Variants in POLDIP3 observed in about 807,000 individuals in gnomAD.
POLDIP3 encodes polymerase delta-interacting protein 3.
POLDIP3 carries 14 observed loss-of-function variants against 45.1 expected under a neutral mutation model. The observed-to-expected ratio is 0.31, with a 90% CI of 0.20 to 0.49. The LOEUF is 0.49. Among genes scored for constraint, POLDIP3 ranks in the 20% least tolerant of loss-of-function variants. The pLI is 0.99. For synonymous variants in POLDIP3, 223 were observed against 205.2 expected (o/e 1.09, Z -0.74); for missense variants, 511 against 538.8 (o/e 0.95, Z 0.51).
chr22:42,614,060 G>A (rs1265682421), intron 1 of POLDIP3, among the ~76,000 whole-genome samples: 2 of 152,126 alleles, frequency 1.3e-5, no homozygotes, highest in Non-Finnish European at 2.9e-5. Flanking sequence ...CCAATCTCCT[G>A]CCCAACACAC....
chr22:42,612,621 T>C (rs1927195030), intron 1 of POLDIP3, among the ~76,000 whole-genome samples: 1 of 151,772 alleles, frequency 6.6e-6, no homozygotes, highest in Middle Eastern at 3.2e-3. Flanking sequence ...AGGTGAGGAG[T>C]TCGAGACCAG....
intron 6 of POLDIP3, among the ~76,000 whole-genome samples, chr22:42,593,500 A>T (rs979629450): frequency 1.7e-4 from 26 of 152,168 alleles, no homozygotes; most frequent in African/African-American, 6.0e-4. Context: ...GGCAGTTGTT[A>T]TTACGCTCCT....
intron 3 of POLDIP3, among the ~76,000 whole-genome samples, chr22:42,600,118 G>A (rs1926257396): frequency 6.6e-6 from 1 of 152,160 alleles, no homozygotes; most frequent in Non-Finnish European, 1.5e-5. Context: ...ATGACCTACA[G>A]AAATAAATCC....
intron 1 of POLDIP3, among the ~76,000 whole-genome samples, chr22:42,614,476 G>A (rs1927338993): frequency 6.6e-6 from 1 of 152,208 alleles, no homozygotes. Context: ...AGTCCACACA[G>A]GCAAGGAGGC....
At position 42,596,129 on chromosome 22, in the gene POLDIP3, C is replaced by T. The variant is rs1362582818; in HGVS notation, c.813+57G>A. 3 of 1,555,384 alleles carry T rather than the reference C, an allele frequency of 1.9e-6. No individual in the cohort carries two copies. In the African/African-American group the frequency reaches 4.1e-5, roughly 21 times the overall value. Reference sequence around the variant, plus strand: ...GCGTTGTGGGGAACACAATGAGGTACATATAAGCATACAGCCCTCCTGACC... The same window carrying T: ...GCGTTGTGGGGAACACAATGAGGTATATATAAGCATACAGCCCTCCTGACC... On this transcript the variant is annotated intron_variant, in intron 5 of 8. Coordinates refer to ENST00000252115, the MANE Select transcript of POLDIP3 (RefSeq NM_032311.5).
At chr22:42,609,020 A>G (rs1160993694) in intron 1 of POLDIP3, among the ~76,000 whole-genome samples, 2 of 152,200 alleles carry the variant, frequency 1.3e-5, no homozygotes, top group African/African-American at 4.8e-5. Flanking sequence ...TCAGGCAGGC[A>G]TTAGTCATCG....
chr22:42,602,632 C>G, intron 2 of POLDIP3, 138 bp downstream of exon 2: 1 of 969,082 alleles, frequency 1.0e-6, no homozygotes, highest in Middle Eastern at 3.4e-4. Flanking sequence ...GTACTTAAAG[C>G]CTCTGTAAGG....
chr22:42,587,870 G>A (rs1440896823), intron 7 of POLDIP3, among the ~76,000 whole-genome samples: 1 of 152,228 alleles, frequency 6.6e-6, no homozygotes, highest in Non-Finnish European at 1.5e-5. Flanking sequence ...AGCCATCCAA[G>A]TAGTAAGGGA....
At position 42,585,326 on chromosome 22, in the gene POLDIP3, G is replaced by A. The variant is rs371258973; in HGVS notation, c.*465C>T. 20 of 491,632 alleles carry A rather than the reference G, an allele frequency of 4.1e-5. No homozygotes were observed. The highest frequency in any genetic ancestry group is 1.4e-4 in the African/African-American group (7 of 51,338). 30.5% of individuals were successfully genotyped at this position (491,632 alleles called of 1,614,324 possible). A position where few individuals can be genotyped will look rare whatever the true frequency, so the allele number is the denominator to read the frequency against. ...CAGCTCTCAGGCCGACCTGGCTCCCGTCAGGACACCAGGGCTCTCCATCCC... is the reference window on the plus strand; with the variant it reads ...CAGCTCTCAGGCCGACCTGGCTCCCATCAGGACACCAGGGCTCTCCATCCC... On this transcript the variant is annotated 3_prime_UTR_variant, in exon 9 of 9. Transcript: ENST00000252115.
chr22:42,587,411 G>A (rs536611262), intron 8 of POLDIP3, 95 bp downstream of exon 8: 10 of 1,245,204 alleles, frequency 8.0e-6, no homozygotes, highest in Admixed American at 3.7e-5. Flanking sequence ...GGAATGGGGG[G>A]ATGAAGGGGA....
At chr22:42,610,954 C>A (rs1281587555) in intron 1 of POLDIP3, among the ~76,000 whole-genome samples, 1 of 152,126 alleles carries the variant, frequency 6.6e-6, no homozygotes, top group African/African-American at 2.4e-5. Flanking sequence ...AGCACTGCAA[C>A]TGGTACCTAA....
chr22:42,607,240 T>C (rs973241765), intron 1 of POLDIP3, among the ~76,000 whole-genome samples: 3 of 152,218 alleles, frequency 2.0e-5, no homozygotes, highest in Non-Finnish European at 4.4e-5. Context: ...GCCTGCCGAG[T>C]GCCTGGGATT....
chr22:42,608,621 G>T (rs1313321548), intron 1 of POLDIP3, among the ~76,000 whole-genome samples: 2 of 152,142 alleles, frequency 1.3e-5, no homozygotes, highest in African/African-American at 4.8e-5. Context: ...CAGGGATACG[G>T]AGCACTCTCT....
intron 3 of POLDIP3, 92 bp from the exon 4 acceptor site, chr22:42,599,885 G>T (rs1926244193): frequency 1.1e-6 from 1 of 914,976 alleles, no homozygotes. Flanking sequence ...ATGGCTGCTG[G>T]AGAAACAAAG....
At chr22:42,601,196 T>C (rs1246439262) in intron 3 of POLDIP3, among the ~76,000 whole-genome samples, 2 of 151,752 alleles carry the variant, frequency 1.3e-5, no homozygotes, top group Non-Finnish European at 2.9e-5. Context: ...GTTTTCTATA[T>C]TAAGCACATA....
Position 42,596,325 on chromosome 22 carries a change from A to T in POLDIP3, c.674T>A (p.Leu225His), listed in dbSNP as rs1397686941. 2 of 1,614,132 alleles carry T rather than the reference A, an allele frequency of 1.2e-6. No individual in the cohort carries two copies. Among genetic ancestry groups the T allele is most frequent in the Admixed American group, 3.3e-5 (2 of 60,002 alleles). ...SSSKLSMSKA[L>H]PLTKVVQNDA... ...ATTCTGAACCACTTTGGTGAGAGGG[A>T]GGGCCTTGGACATGGAAAGCTTGGA... Residue 225 changes from leucine to histidine, a missense_variant, in exon 5 of 9, where the codon CTC (leucine) becomes CAC (histidine). Transcript: ENST00000252115.
chr22:42,614,688 C>T (rs1927366641), intron 1 of POLDIP3, 111 bp downstream of exon 1: 1 of 1,230,298 alleles, frequency 8.1e-7, no homozygotes, highest in Non-Finnish European at 1.2e-6. Context: ...CGGCTGTGGT[C>T]GGGGGCGGGC....
rs182810440 is a variant in POLDIP3, at chr22:42,587,461, A to G, written c.1088+45T>C. 175 of 1,552,338 alleles carry G rather than the reference A, an allele frequency of 1.1e-4. No homozygotes were observed. The African/African-American group carries it at 2.0e-3, about 18-fold the overall frequency. ...AGTTTACCCATTAGAACAAAAAGAG[A>G]TGGACGGAGCTGCCTCTCCCCAGCA... On this transcript the variant is annotated intron_variant, in intron 8 of 8. Coordinates refer to ENST00000252115, the MANE Select transcript of POLDIP3 (RefSeq NM_032311.5).
rs150718217 is a variant in POLDIP3, at chr22:42,597,483, G to C, written c.634-1118C>G. Among the ~76,000 whole-genome samples the C allele has an allele frequency of 5.6e-3, 846 of 152,252 alleles. 8 individuals are homozygous for C. The highest frequency in any genetic ancestry group is 0.024 in the Middle Eastern group (7 of 294). ...CAGGGCCCTGAGAGCGAGACTGCTCGGGCTCCATTCCTAGATCCACTGCTT... is the reference window on the plus strand; with the variant it reads ...CAGGGCCCTGAGAGCGAGACTGCTCCGGCTCCATTCCTAGATCCACTGCTT... On this transcript the variant is annotated intron_variant, in intron 4 of 8. Transcript: ENST00000252115.
Sources: gnomAD v4.1 joint callset for allele counts (sites outside exome capture counted in the v4.1 genomes callset) on GRCh38, gnomAD v4.1.1 for gene constraint, MANE v1.5 for transcripts, NCBI Gene and HGNC (gene_info 2026-07-23, HGNC 2026-07-21) for gene names.